The following ESRRG variants were observed in gnomAD, a reference collection of about 807,000 sequenced individuals.
The protein encoded by ESRRG is estrogen-related receptor gamma.
ESRRG carries 13 observed loss-of-function variants against 44.0 expected under a neutral mutation model. That is an observed-to-expected ratio of 0.30 (90% CI 0.19 to 0.47). ESRRG has a LOEUF of 0.47. ESRRG is among the 20% of genes least tolerant of loss of function. ESRRG has a pLI of 1.00. For synonymous variants in ESRRG, 215 were observed against 214.6 expected (o/e 1.00, Z -0.02); for missense variants, 395 against 580.6 (o/e 0.68, Z 3.29).
At chr1:216,680,473 G>A (rs2076843051) in intron 1 of ESRRG, among the ~76,000 whole-genome samples, 1 of 152,070 alleles carries the variant, frequency 6.6e-6, no homozygotes, top group Admixed American at 6.5e-5. Flanking sequence ...AAGCAAGGTA[G>A]AGGTGGCACG....
At chr1:216,986,284 C>T (rs988863673) in intron 1 of ESRRG, among the ~76,000 whole-genome samples, 5 of 152,052 alleles carry the variant, frequency 3.3e-5, no homozygotes, top group Non-Finnish European at 4.4e-5. Flanking sequence ...TAGTTATTCC[C>T]GTGTAGGAAT....
intron 1 of ESRRG, among the ~76,000 whole-genome samples, chr1:217,070,484 C>T (rs939691012): frequency 6.6e-6 from 1 of 151,820 alleles, no homozygotes; most frequent in Non-Finnish European, 1.5e-5. Context: ...CAGGTTCAAG[C>T]GATTCTCCTG....
At chr1:216,752,728 T>C (rs1336136955) in intron 2 of ESRRG, among the ~76,000 whole-genome samples, 1 of 152,044 alleles carries the variant, frequency 6.6e-6, no homozygotes, top group Non-Finnish European at 1.5e-5. Context: ...AACAGTAGAG[T>C]GTAGTGGACA....
chr1:216,733,998 A>C (rs549304064), intron 2 of ESRRG, among the ~76,000 whole-genome samples: 7 of 151,590 alleles, frequency 4.6e-5, no homozygotes, highest in Admixed American at 3.3e-4. Context: ...AAAAAAAAAA[A>C]AAAAAAAAAA....
intron 1 of ESRRG, among the ~76,000 whole-genome samples, chr1:216,711,089 G>A (rs1233157704): frequency 6.6e-6 from 1 of 152,162 alleles, no homozygotes; most frequent in Non-Finnish European, 1.5e-5. Flanking sequence ...TTCTAGTGGT[G>A]GCATCAGAGC....
Position 216,718,420 on chromosome 1 carries a change from A to G in ESRRG, c.56+4824T>C, listed in dbSNP as rs775459168. Among the ~76,000 whole-genome samples the G allele has an allele frequency of 2.2e-4, 33 of 152,058 alleles. No individual in the cohort carries two copies. The Middle Eastern group carries it at 0.01, about 47-fold the overall frequency. ...GTACCATGTGTGTATTTATTTATTA[A>G]TAATAGTATAGTTCATGTATATCCA... On this transcript the variant is annotated intron_variant, in intron 1 of 6. Coordinates refer to ENST00000408911, the MANE Select transcript of ESRRG (RefSeq NM_001438.4).
chr1:216,947,076 G>A (rs1442277400), intron 1 of ESRRG, among the ~76,000 whole-genome samples: 1 of 152,016 alleles, frequency 6.6e-6, no homozygotes, highest in Non-Finnish European at 1.5e-5. Context: ...ATTATCCTTA[G>A]CATCTATTTT....
At position 217,052,684 on chromosome 1, in the gene ESRRG, C is replaced by A. The variant is rs76795062; in HGVS notation, c.-106+36823G>T. Among the ~76,000 whole-genome samples the A allele has an allele frequency of 1.0e-3, 157 of 152,298 alleles. 2 individuals carry two copies. The East Asian group carries it at 0.018, about 18-fold the overall frequency. On this transcript the variant is annotated intron_variant, in intron 1 of 7. Coordinates refer to the ESRRG transcript ENST00000359162. ...CAAAGGGACAACTGCTAGTCAATAA[C>A]TAAATAAGCATTTTTAGAAGAGGAT... is the stretch of plus-strand genomic sequence containing the variant.
chr1:216,749,382 G>A (rs2152284682), intron 2 of ESRRG, among the ~76,000 whole-genome samples: 1 of 152,136 alleles, frequency 6.6e-6, no homozygotes, highest in Non-Finnish European at 1.5e-5. Context: ...GGACTTCCTG[G>A]ATCTCTGACT....
intron 3 of ESRRG, among the ~76,000 whole-genome samples, chr1:216,587,010 A>T (rs750054961): frequency 6.6e-6 from 1 of 152,252 alleles, no homozygotes; most frequent in Admixed American, 6.5e-5. Context: ...AATAAATAAT[A>T]TCACATTACT....
intron 4 of ESRRG, among the ~76,000 whole-genome samples, chr1:216,567,495 G>A (rs568597916): frequency 3.9e-5 from 6 of 152,284 alleles, no homozygotes; most frequent in Admixed American, 3.3e-4. Flanking sequence ...TTGCTAGCTA[G>A]TGTGTTAAAC....
At chr1:216,589,072 T>G (rs2057201997) in intron 3 of ESRRG, among the ~76,000 whole-genome samples, 2 of 152,180 alleles carry the variant, frequency 1.3e-5, no homozygotes, top group Non-Finnish European at 2.9e-5. Context: ...TGGAATCAGT[T>G]TCTAAAGAAA....
intron 2 of ESRRG, among the ~76,000 whole-genome samples, chr1:216,853,155 A>G (rs1396465119): frequency 2.6e-5 from 4 of 152,192 alleles, no homozygotes; most frequent in Admixed American, 6.5e-5. Context: ...GAATCAAGTT[A>G]ATGGTAAAAA....
intron 3 of ESRRG, among the ~76,000 whole-genome samples, chr1:216,631,391 G>T (rs1846227): frequency 0.21 from 31,999 of 152,102 alleles, 3,587 homozygotes; most frequent in Middle Eastern, 0.27. Context: ...GTTTGTTTTA[G>T]GAATACTTGG....
At chr1:216,712,700 T>C (rs1248432405) in intron 1 of ESRRG, among the ~76,000 whole-genome samples, 1 of 152,194 alleles carries the variant, frequency 6.6e-6, no homozygotes, top group East Asian at 1.9e-4. Flanking sequence ...AACCATTACA[T>C]TTCCAGTGAT....
chr1:216,977,341 T>TACACACACACACACAC (rs1553749984), intron 1 of ESRRG, among the ~76,000 whole-genome samples: 180 of 144,052 alleles, frequency 1.2e-3, no homozygotes, highest in African/African-American at 3.9e-3. Flanking sequence ...GGAGGATACA[T>TACACACACACACACAC]ACACACACAC....
intron 2 of ESRRG, among the ~76,000 whole-genome samples, chr1:216,784,027 C>G (rs1299405254): frequency 6.6e-6 from 1 of 152,030 alleles, no homozygotes; most frequent in Non-Finnish European, 1.5e-5. Flanking sequence ...CTTTCTTGAT[C>G]TCTTAGTTAA....
chr1:217,014,825 C>G (rs1339110788), intron 1 of ESRRG, among the ~76,000 whole-genome samples: 1 of 152,062 alleles, frequency 6.6e-6, no homozygotes, highest in African/African-American at 2.4e-5. Flanking sequence ...TATTCTCTAC[C>G]TTTAGTAGCC....
intron 2 of ESRRG, among the ~76,000 whole-genome samples, chr1:216,768,668 T>G (rs1219261538): frequency 1.3e-5 from 2 of 152,150 alleles, no homozygotes; most frequent in Admixed American, 6.6e-5. Flanking sequence ...TTTTTAAATA[T>G]TTTATACAGA....
Sources: gnomAD v4.1 joint callset for allele counts (sites outside exome capture counted in the v4.1 genomes callset) on GRCh38, gnomAD v4.1.1 for gene constraint, MANE v1.5 for transcripts, NCBI Gene and HGNC (gene_info 2026-07-23, HGNC 2026-07-21) for gene names.